BRD10: variants seen among roughly 807,000 people sequenced by gnomAD.
BRD10 encodes the protein uncharacterized bromodomain-containing protein 10.
chr9:5,982,572 G>A, the BRD10 span, among the ~76,000 whole-genome samples: 3 of 152,190 alleles, frequency 2.0e-5, no homozygotes, highest in East Asian at 1.9e-4. Flanking sequence ...ACCATGTGAT[G>A]CCCTGTGCAG....
At chr9:5,981,131 T>G in the BRD10 span, among the ~76,000 whole-genome samples, 299 of 152,356 alleles carry the variant, frequency 2.0e-3, 1 homozygote, top group African/African-American at 7.0e-3. Context: ...GGTTTATCTG[T>G]ATCAATAGGC....
chr9:5,971,150 C>T, the BRD10 span, among the ~76,000 whole-genome samples: 2 of 148,154 alleles, frequency 1.3e-5, no homozygotes, highest in Non-Finnish European at 3.0e-5. Context: ...AACAAAAGCA[C>T]ATGAAAAGAT....
At chr9:5,955,816 T>C in the BRD10 span, among the ~76,000 whole-genome samples, 1 of 152,194 alleles carries the variant, frequency 6.6e-6, no homozygotes, top group Non-Finnish European at 1.5e-5. Context: ...CCTACAAAGA[T>C]AGGTAAGTGG....
chr9:5,968,312 C>A, the BRD10 span: 1 of 1,610,740 alleles, frequency 6.2e-7, no homozygotes, highest in Non-Finnish European at 8.5e-7. Flanking sequence ...ATGTATTTGG[C>A]AAGATTTTAG....
At chr9:5,994,968 C>G in the BRD10 span, among the ~76,000 whole-genome samples, 8 of 150,592 alleles carry the variant, frequency 5.3e-5, no homozygotes, top group Admixed American at 4.0e-4. Flanking sequence ...GGCACCATCT[C>G]GGCTCACTGC....
the BRD10 span, among the ~76,000 whole-genome samples, chr9:5,972,230 T>C: frequency 3.9e-5 from 6 of 152,158 alleles, no homozygotes; most frequent in Admixed American, 1.3e-4. Context: ...CCCAAGATAA[T>C]AGATGTAAGA....
the BRD10 span, among the ~76,000 whole-genome samples, chr9:6,003,506 A>G: frequency 1.3e-5 from 2 of 152,196 alleles, no homozygotes; most frequent in African/African-American, 4.8e-5. Flanking sequence ...TCCCTTCTAA[A>G]ATATAACTTT....
chr9:5,935,402 G>C, the BRD10 span, among the ~76,000 whole-genome samples: 1 of 152,174 alleles, frequency 6.6e-6, no homozygotes, highest in East Asian at 1.9e-4. Flanking sequence ...GGGAAAAACT[G>C]GGTGACAGGT....
the BRD10 span, among the ~76,000 whole-genome samples, chr9:6,003,264 A>T: frequency 6.6e-6 from 1 of 152,212 alleles, no homozygotes; most frequent in Non-Finnish European, 1.5e-5. Context: ...GCCTTTCAAA[A>T]CTAGAAAAAG....
chr9:5,940,134 CAT>C, the BRD10 span, among the ~76,000 whole-genome samples: 1 of 151,508 alleles, frequency 6.6e-6, no homozygotes, highest in Non-Finnish European at 1.5e-5. Flanking sequence ...TTCTTTTTAA[CAT>C]ATCTTTTTAC....
the BRD10 span, chr9:5,988,626 C>T: frequency 2.0e-6 from 2 of 1,003,330 alleles, no homozygotes; most frequent in Non-Finnish European, 3.0e-6. Flanking sequence ...CTTAAGAATC[C>T]CTTTTGCTAA....
At chr9:5,952,419 AT>A in the BRD10 span, among the ~76,000 whole-genome samples, 2 of 152,196 alleles carry the variant, frequency 1.3e-5, no homozygotes, top group Non-Finnish European at 2.9e-5. Context: ...CACACATACA[AT>A]TGAAACCAAA....
the BRD10 span, among the ~76,000 whole-genome samples, chr9:5,985,588 C>T: frequency 6.6e-6 from 1 of 152,108 alleles, no homozygotes; most frequent in Non-Finnish European, 1.5e-5. Context: ...GAGTTCAAGA[C>T]CATCCTGACC....
At chr9:5,998,334 T>C in the BRD10 span, among the ~76,000 whole-genome samples, 3 of 152,142 alleles carry the variant, frequency 2.0e-5, no homozygotes, top group Non-Finnish European at 4.4e-5. Context: ...AATCACTGGA[T>C]TGCTAAAAAG....
At chr9:5,960,695 TTGTG>T in the BRD10 span, among the ~76,000 whole-genome samples, 1 of 152,220 alleles carries the variant, frequency 6.6e-6, no homozygotes, top group South Asian at 2.1e-4. Flanking sequence ...GTAATCTTTT[TTGTG>T]TTTTTTCAGA....
At chr9:5,925,994 T>A in the BRD10 span, among the ~76,000 whole-genome samples, 10 of 152,184 alleles carry the variant, frequency 6.6e-5, no homozygotes, top group African/African-American at 2.4e-4. Flanking sequence ...CTCGGCTCAC[T>A]GCAACCTCTG....
chr9:5,952,897 C>A, the BRD10 span, among the ~76,000 whole-genome samples: 13 of 152,104 alleles, frequency 8.5e-5, no homozygotes, highest in African/African-American at 3.1e-4. Context: ...ATTAACTACT[C>A]TGCAACCAAG....
the BRD10 span, among the ~76,000 whole-genome samples, chr9:5,895,731 A>G: frequency 6.6e-6 from 1 of 152,212 alleles, no homozygotes; most frequent in Non-Finnish European, 1.5e-5. Context: ...TCTGCACCTT[A>G]ACGTGCATCT....
chr9:5,888,061 C>G, the BRD10 span, among the ~76,000 whole-genome samples: 8,355 of 152,244 alleles, frequency 0.055, 747 homozygotes, highest in African/African-American at 0.19. Context: ...ATCACAGGAT[C>G]TGAAAGGAAT....
Sources: allele counts gnomAD v4.1 joint callset (sites outside exome capture counted in the v4.1 genomes callset), GRCh38; gene constraint gnomAD v4.1.1; transcripts MANE v1.5; gene names NCBI Gene and HGNC (gene_info 2026-07-23, HGNC 2026-07-21).